The following TRAF5 variants were observed in gnomAD, a reference collection of about 807,000 sequenced individuals.
TRAF5 encodes TNF receptor associated factor 5, also known as TNF receptor-associated factor 5.
In TRAF5, 48 loss-of-function variants were observed where a neutral mutation model predicts 64.5. The ratio of observed to expected loss-of-function variants is 0.74; its 90% CI spans 0.59 to 0.95. The LOEUF is 0.95. Among genes scored for constraint, TRAF5 ranks in the 40% least tolerant of loss-of-function variants. TRAF5 has a pLI of 0.00. For synonymous variants in TRAF5, 206 were observed against 240.5 expected, an observed-to-expected ratio of 0.86 and a Z score of 1.33; for missense variants, 545 against 662.8, an observed-to-expected ratio of 0.82 and a Z score of 1.95.
At chr1:211,361,825 T>TAG (rs1703195510) in intron 7 of TRAF5, among the ~76,000 whole-genome samples, 1 of 149,826 alleles carries the variant, frequency 6.7e-6, no homozygotes, top group African/African-American at 2.5e-5. Flanking sequence ...GCCTCCTGAG[T>TAG]AGCTGGGATT....
chr1:211,338,632 C>CT (rs909117976), intron 1 of TRAF5, among the ~76,000 whole-genome samples: 25 of 151,368 alleles, frequency 1.7e-4, no homozygotes, highest in South Asian at 4.2e-4. Context: ...CTATTATTGT[C>CT]TTTTTTTTTG....
At chr1:211,337,083 G>A (rs576316636) in intron 1 of TRAF5, among the ~76,000 whole-genome samples, 14 of 152,376 alleles carry the variant, frequency 9.2e-5, no homozygotes, top group African/African-American at 3.4e-4. Flanking sequence ...AACAATCCTT[G>A]CTGTGCTGGA....
chr1:211,329,558 C>T (rs1702105890), intron 1 of TRAF5, among the ~76,000 whole-genome samples: 1 of 152,222 alleles, frequency 6.6e-6, no homozygotes, highest in African/African-American at 2.4e-5. Context: ...CCCAAGTCTT[C>T]TTTCTCCAAT....
At position 211,341,874 on chromosome 1, in the gene TRAF5, A is replaced by T. The variant is rs367637875; in HGVS notation, c.-1-11365A>T. Among the ~76,000 whole-genome samples the T allele has an allele frequency of 2.6e-5, 4 of 152,352 alleles. No homozygotes were observed. The East Asian group carries it at 7.7e-4, about 29-fold the overall frequency. Reference sequence around the variant, plus strand: ...GCGAGATAGTCCAGTGTAACCATGAATTCAAAATTGGGTGAAATGAGAAGG... The same window carrying T: ...GCGAGATAGTCCAGTGTAACCATGATTTCAAAATTGGGTGAAATGAGAAGG... On this transcript the variant is annotated intron_variant, in intron 1 of 10. Transcript: ENST00000261464.
chr1:211,332,457 A>T (rs1470864092), intron 1 of TRAF5, among the ~76,000 whole-genome samples: 1 of 151,912 alleles, frequency 6.6e-6, no homozygotes, highest in East Asian at 1.9e-4. Flanking sequence ...GAGACCCTTG[A>T]CCCTGGAGGA....
intron 1 of TRAF5, among the ~76,000 whole-genome samples, chr1:211,328,335 G>A (rs1702071821): frequency 6.6e-6 from 1 of 152,214 alleles, no homozygotes; most frequent in South Asian, 2.1e-4. Context: ...TACTGTTTTT[G>A]TTGTAACTCT....
intron 8 of TRAF5, 72 bp from the exon 9 acceptor site, chr1:211,369,380 G>C (rs954415743): frequency 1.6e-6 from 2 of 1,273,082 alleles, no homozygotes; most frequent in Non-Finnish European, 2.1e-6. Flanking sequence ...AGCTGCAAGT[G>C]CATGCATATT....
chr1:211,335,083 G>T lies in TRAF5; in HGVS notation c.-2+8194G>T, dbSNP rs557304640. On this transcript the variant is annotated intron_variant, in intron 1 of 10. Transcript: ENST00000261464. ...ATGGTGACTAAAGACCAAAGGAAAT[G>T]ATATAGTTGGTCATTCCTTCCATCC... Among the ~76,000 whole-genome samples, 5 of 152,290 alleles carry T rather than the reference G, an allele frequency of 3.3e-5. No homozygotes were observed. The South Asian group carries it at 1.0e-3, about 32-fold the overall frequency.
At chr1:211,342,317 A>G (rs1476513050) in intron 1 of TRAF5, among the ~76,000 whole-genome samples, 3 of 151,338 alleles carry the variant, frequency 2.0e-5, no homozygotes, top group Admixed American at 6.6e-5. Flanking sequence ...TTTTTGATAT[A>G]TTTTTCTTTT....
rs1703550911 is a variant in TRAF5, at chr1:211,372,147, T to A, written c.1119T>A (p.Thr373=). The change falls in exon 11 of 11, where the codon ACT becomes ACA. Residue 373 remains threonine, a synonymous_variant. Coordinates refer to ENST00000261464, the MANE Select transcript of TRAF5 (RefSeq NM_001033910.3). ...TTGCAGCCGTTTTAGAAGAGGAAACTAACAAACATGATACCCACATTAATA... is the reference window on the plus strand; with the variant it reads ...TTGCAGCCGTTTTAGAAGAGGAAACAAACAAACATGATACCCACATTAATA... ...DQRLAVLEEE[T]NKHDTHINIH... is the part of the protein sequence containing the mutation. 6.4e-7 allele frequency: 1 copy of A among 1,564,312 alleles called. No individual in the cohort carries two copies. Among genetic ancestry groups the A allele is most frequent in the Non-Finnish European group, 8.7e-7 (1 of 1,152,858 alleles).
intron 3 of TRAF5, among the ~76,000 whole-genome samples, chr1:211,355,340 T>C (rs1702925608): frequency 6.6e-6 from 1 of 152,222 alleles, no homozygotes; most frequent in South Asian, 2.1e-4. Flanking sequence ...CTAATTCATC[T>C]ATTTCTTTTT....
intron 1 of TRAF5, among the ~76,000 whole-genome samples, chr1:211,328,457 C>T (rs536182063): frequency 2.0e-5 from 3 of 152,292 alleles, no homozygotes; most frequent in Non-Finnish European, 2.9e-5. Flanking sequence ...CTCCCACGGC[C>T]TCTGGGCTGA....
At position 211,372,228 on chromosome 1, in the gene TRAF5, T is replaced by C. The variant is rs1252736099; in HGVS notation, c.1200T>C (p.Thr400=). The part of the protein sequence containing the change: ...NEERFKLLEG[T]CYNGKLIWKV... ...AGCGATTTAAACTGCTGGAGGGTAC[T>C]TGCTATAATGGAAAGCTCATTTGGA... The change falls in exon 11 of 11, where the codon ACT becomes ACC. Residue 400 remains threonine (T), a synonymous_variant. Coordinates refer to ENST00000261464, the MANE Select transcript of TRAF5 (RefSeq NM_001033910.3). The C allele has an allele frequency of 6.8e-6, 11 of 1,614,132 alleles. No homozygotes were observed. The highest frequency in any genetic ancestry group is 9.3e-6 in the Non-Finnish European group (11 of 1,180,020).
intron 8 of TRAF5, among the ~76,000 whole-genome samples, chr1:211,366,006 G>A (rs1703341070): frequency 6.6e-6 from 1 of 152,226 alleles, no homozygotes; most frequent in Admixed American, 6.5e-5. Context: ...ATTTCACTGA[G>A]TTGTGATTAT....
At chr1:211,340,044 A>G (rs149829748) in intron 1 of TRAF5, among the ~76,000 whole-genome samples, 1 of 152,178 alleles carries the variant, frequency 6.6e-6, no homozygotes, top group African/African-American at 2.4e-5. Context: ...ACGGTTTCTA[A>G]ATACTCATTG....
intron 1 of TRAF5, among the ~76,000 whole-genome samples, chr1:211,351,916 C>A (rs930006860): frequency 6.6e-6 from 1 of 152,098 alleles, no homozygotes; most frequent in Non-Finnish European, 1.5e-5. Flanking sequence ...CAGCTTTGTT[C>A]TTCTCCTTCA....
chr1:211,360,209 C>A, intron 5 of TRAF5, 133 bp downstream of exon 5: 3 of 998,964 alleles, frequency 3.0e-6, no homozygotes, highest in East Asian at 2.6e-5. Context: ...AAAGAATTTG[C>A]TTTTTGGAGA....
chr1:211,360,611 C>T (rs756586034), intron 5 of TRAF5, 91 bp from the exon 6 acceptor site: 174 of 1,005,324 alleles, frequency 1.7e-4, no homozygotes, highest in Non-Finnish European at 2.3e-4. Context: ...GAGTAAGCCA[C>T]GTGACATATA....
chr1:211,360,419 A>G, intron 5 of TRAF5: 1 of 497,518 alleles, frequency 2.0e-6, no homozygotes, highest in Non-Finnish European at 3.5e-6. Flanking sequence ...AAGCATGGGT[A>G]CCTTTTACAT....
Sources: gnomAD v4.1 joint callset for allele counts (sites outside exome capture counted in the v4.1 genomes callset) on GRCh38, gnomAD v4.1.1 for gene constraint, MANE v1.5 for transcripts, NCBI Gene and HGNC (gene_info 2026-07-23, HGNC 2026-07-21) for gene names.